The following ZRANB3 variants were observed in gnomAD, a reference collection of about 807,000 sequenced individuals.
The protein encoded by ZRANB3 is DNA annealing helicase and endonuclease ZRANB3.
Under a neutral mutation model 133.8 loss-of-function variants are expected in ZRANB3, and 125 were observed. The observed-to-expected ratio is 0.93, with a 90% CI of 0.81 to 1.08. ZRANB3 has a LOEUF of 1.08. Ranked by LOEUF, ZRANB3 falls within the 50% of genes least tolerant of loss-of-function variation. The pLI, the probability that ZRANB3 is intolerant of heterozygous loss-of-function variation, is 0.00. For synonymous variants in ZRANB3, 387 were observed against 432.7 expected (o/e 0.89, Z 1.31); for missense variants, 1,229 against 1,275.5 (o/e 0.96, Z 0.56).
At chr2:135,524,174 C>T (rs1443480362) in intron 1 of ZRANB3, among the ~76,000 whole-genome samples, 1 of 151,870 alleles carries the variant, frequency 6.6e-6, no homozygotes, top group African/African-American at 2.4e-5. Context: ...GCAACCTGGG[C>T]CTCCCGGGTT....
intron 2 of ZRANB3, among the ~76,000 whole-genome samples, chr2:135,419,635 C>T (rs544641150): frequency 2.0e-5 from 3 of 151,048 alleles, no homozygotes; most frequent in Non-Finnish European, 4.4e-5. Context: ...TCCTTGGCCA[C>T]GGGAATCAGT....
chr2:135,440,092 C>T (rs1689714468), intron 2 of ZRANB3, among the ~76,000 whole-genome samples: 1 of 152,092 alleles, frequency 6.6e-6, no homozygotes. Context: ...ATATTTCTTC[C>T]CTACTATCTA....
chr2:135,214,469 A>G lies in ZRANB3; in HGVS notation c.2495+2996T>C, dbSNP rs1482637620. 2.6e-5 allele frequency among the ~76,000 whole-genome samples: 4 copies of G among 152,192 alleles called. No homozygotes were observed. In the South Asian group the frequency reaches 8.3e-4, roughly 32 times the overall value. The stretch of plus-strand genomic sequence containing the variant: ...CTTTTGCTTTTAAATCTGATCAGTC[A>G]CCTTTCTCAGTTGGTACTTTAAGTG... On this transcript the variant is annotated intron_variant, in intron 17 of 20. Coordinates refer to ENST00000264159, the MANE Select transcript of ZRANB3 (RefSeq NM_032143.4).
rs574318358 is a variant in ZRANB3 at position 135,268,195 on chromosome 2, A to T, written c.1386+767T>A. On this transcript the variant is annotated intron_variant, in intron 11 of 20. Transcript: ENST00000264159. Reference sequence around the variant, plus strand: ...TTTTGAGACAGAGTCTTGCTCTGTCACCCAGGCTGGAGTGCAATTGTTGCA... The same window carrying T: ...TTTTGAGACAGAGTCTTGCTCTGTCTCCCAGGCTGGAGTGCAATTGTTGCA... Among the ~76,000 whole-genome samples the T allele has an allele frequency of 7.9e-5, 12 of 151,766 alleles. No individual in the cohort carries two copies. The South Asian group carries it at 2.5e-3, about 32-fold the overall frequency.
Position 135,230,821 on chromosome 2 carries a change from T to C in ZRANB3, c.1646A>G (p.Asn549Ser). ...CDESKRFREE[N>S]TVVSSDPTKT... ...TGTAGGGTCTGATGACACTACAGTATTTTCCTCCCGGAATCTCTTTGATTC... is the reference window on the plus strand; with the variant it reads ...TGTAGGGTCTGATGACACTACAGTACTTTCCTCCCGGAATCTCTTTGATTC... The change falls in exon 13 of 21, where the codon AAT becomes AGT. Residue 549 changes from asparagine (N) to serine (S), a missense_variant. Asn to Ser is a conservative substitution (Grantham distance 46). Coordinates refer to ENST00000264159, the MANE Select transcript of ZRANB3 (RefSeq NM_032143.4). The C allele has an allele frequency of 6.2e-7, 1 of 1,613,502 alleles. No individual in the cohort carries two copies. The highest frequency in any genetic ancestry group is 1.1e-5 in the South Asian group (1 of 90,902).
intron 4 of ZRANB3, 85 bp downstream of exon 4, chr2:135,353,365 G>C (rs1313801415): frequency 2.3e-6 from 2 of 854,528 alleles, no homozygotes; most frequent in Admixed American, 3.4e-5. Context: ...TTATCTATTG[G>C]TGATATTGCA....
At chr2:135,229,774 A>G (rs1694913915) in intron 13 of ZRANB3, among the ~76,000 whole-genome samples, 1 of 152,180 alleles carries the variant, frequency 6.6e-6, no homozygotes, top group African/African-American at 2.4e-5. Flanking sequence ...TCAACTTGGC[A>G]TTTTTATTAC....
intron 6 of ZRANB3, among the ~76,000 whole-genome samples, chr2:135,344,195 AG>A (rs1302970664): frequency 2.0e-5 from 3 of 152,218 alleles, no homozygotes; most frequent in African/African-American, 7.2e-5. Context: ...TTTGAGCTGA[AG>A]AAACTGAGGT....
chr2:135,197,517 G>C lies in ZRANB3; in HGVS notation c.*2825C>G, dbSNP rs1693456357. 6.6e-6 allele frequency: 1 copy of C among 152,216 alleles called. No individual in the cohort carries two copies. Among genetic ancestry groups the C allele is most frequent in the African/African-American group, 2.4e-5 (1 of 41,462 alleles). The allele number at this position is 152,216 out of a possible 1,614,324, so 9.4% of individuals were successfully genotyped here. A position where few individuals can be genotyped will look rare whatever the true frequency, so the allele number is the denominator to read the frequency against. On this transcript the variant is annotated 3_prime_UTR_variant, in exon 21 of 21. Coordinates refer to ENST00000264159, the MANE Select transcript of ZRANB3 (RefSeq NM_032143.4). ...AAAATCTCCCCAAGAAATGTACGTT[G>C]GGCTGTAATTAACGCCAAGAGTGGG... is the stretch of plus-strand genomic sequence containing the variant.
intron 2 of ZRANB3, among the ~76,000 whole-genome samples, chr2:135,503,743 T>C (rs1693049628): frequency 6.6e-6 from 1 of 152,146 alleles, no homozygotes; most frequent in Non-Finnish European, 1.5e-5. Flanking sequence ...AAGGATCACT[T>C]GAGCCCAGGA....
At chr2:135,480,186 C>T (rs887565208) in intron 2 of ZRANB3, among the ~76,000 whole-genome samples, 3 of 151,864 alleles carry the variant, frequency 2.0e-5, no homozygotes, top group African/African-American at 4.8e-5. Flanking sequence ...CTGTGACCTG[C>T]CCGCCTCAGC....
intron 6 of ZRANB3, among the ~76,000 whole-genome samples, chr2:135,319,629 C>T (rs1026406466): frequency 6.6e-6 from 1 of 152,130 alleles, no homozygotes; most frequent in African/African-American, 2.4e-5. Flanking sequence ...ACATTTCAAC[C>T]TTGCTTCTCT....
chr2:135,273,267 TATTC>T (rs1680627853), intron 9 of ZRANB3, among the ~76,000 whole-genome samples: 1 of 152,118 alleles, frequency 6.6e-6, no homozygotes, highest in South Asian at 2.1e-4. Context: ...CAAAAAACCT[TATTC>T]ATGTATGTAG....
intron 8 of ZRANB3, 53 bp downstream of exon 8, chr2:135,313,436 G>T (rs1683098237): frequency 8.8e-7 from 1 of 1,130,314 alleles, no homozygotes; most frequent in Non-Finnish European, 1.3e-6. Context: ...AACAGTAAAA[G>T]ACATTGAATA....
chr2:135,247,460 G>C (rs1573753851), intron 12 of ZRANB3, among the ~76,000 whole-genome samples: 2 of 151,856 alleles, frequency 1.3e-5, no homozygotes, highest in South Asian at 2.1e-4. Flanking sequence ...TCTGCAGATA[G>C]AGAGAAAACA....
chr2:135,474,651 T>C (rs1379614592), intron 2 of ZRANB3, among the ~76,000 whole-genome samples: 3 of 152,196 alleles, frequency 2.0e-5, no homozygotes, highest in Non-Finnish European at 4.4e-5. Flanking sequence ...ATCATGCTAG[T>C]ACAGCCTGCA....
At chr2:135,240,977 G>A (rs1324442580) in intron 12 of ZRANB3, among the ~76,000 whole-genome samples, 1 of 151,972 alleles carries the variant, frequency 6.6e-6, no homozygotes, top group Non-Finnish European at 1.5e-5. Flanking sequence ...TTTCTTTTAG[G>A]GCTTTTCAGG....
chr2:135,405,005 A>G (rs187155343), intron 2 of ZRANB3, among the ~76,000 whole-genome samples: 3 of 152,240 alleles, frequency 2.0e-5, no homozygotes, highest in Admixed American at 6.5e-5. Context: ...AAATGCTCCA[A>G]TTAAAAGACA....
At chr2:135,443,674 A>G (rs1376440536) in intron 2 of ZRANB3, among the ~76,000 whole-genome samples, 1 of 152,216 alleles carries the variant, frequency 6.6e-6, no homozygotes. Context: ...AAAGAACATC[A>G]GACAAATCCG....
Sources: allele counts gnomAD v4.1 joint callset (sites outside exome capture counted in the v4.1 genomes callset), GRCh38; gene constraint gnomAD v4.1.1; transcripts MANE v1.5; gene names NCBI Gene and HGNC (gene_info 2026-07-23, HGNC 2026-07-21).